PCDHGC5: variants seen among roughly 807,000 people sequenced by gnomAD.
PCDHGC5 encodes protocadherin gamma subfamily C, 5.
PCDHGC5 carries 25 observed loss-of-function variants against 59.0 expected under a neutral mutation model. That is an observed-to-expected ratio of 0.42 (90% CI 0.31 to 0.59). The LOEUF is 0.59. Among genes scored for constraint, PCDHGC5 ranks in the 20% least tolerant of loss-of-function variants. The pLI is 0.13. For missense variants in PCDHGC5, 1,067 were observed against 1,206.4 expected, an observed-to-expected ratio of 0.88 and a Z score of 1.71; for synonymous variants, 434 against 505.5, an observed-to-expected ratio of 0.86 and a Z score of 1.90.
chr5:141,489,166 C>A lies in PCDHGC5; in HGVS notation c.-75C>A. The A allele has an allele frequency of 9.1e-7, 1 of 1,099,536 alleles. No individual in the cohort carries two copies. The highest frequency in any genetic ancestry group is 1.3e-6 in the Non-Finnish European group (1 of 761,554). The allele number at this position is 1,099,536 out of a possible 1,614,324, so 68.1% of individuals were successfully genotyped here. ...AAGGAGACATAAGAGACTTCAGCTGCTGCATTCCAAGCCCTGGGTCTACCT... is the reference window on the plus strand; with the variant it reads ...AAGGAGACATAAGAGACTTCAGCTGATGCATTCCAAGCCCTGGGTCTACCT... On this transcript the variant is annotated 5_prime_UTR_variant, in exon 1 of 4. In the 5' UTR this introduces an upstream ATG that the reference lacks. Transcript: ENST00000252087. This position sits in a 1 kb window ranked among gnomAD's most constrained non-coding sequence, Gnocchi z 4.5.
chr5:141,489,896 C>T lies in PCDHGC5; in HGVS notation c.656C>T (p.Thr219Ile), dbSNP rs765318875. 3 of 1,614,180 alleles carry T rather than the reference C, an allele frequency of 1.9e-6. No homozygotes were observed. The highest frequency in any genetic ancestry group is 1.3e-5 in the African/African-American group (1 of 75,066). Residue 219 changes from threonine (T) to isoleucine (I), a missense_variant, in exon 1 of 4, where the codon ACC (threonine) becomes ATC (isoleucine). Thr to Ile is a moderately conservative substitution (Grantham distance 89, BLOSUM62 -1). Coordinates refer to ENST00000252087, the MANE Select transcript of PCDHGC5 (RefSeq NM_018929.3). The surrounding 1 kb of genome is among the most constrained non-coding windows in gnomAD (Gnocchi z 4.5). ...GTGCTTACTGCTGTGGATGGGGGGA[C>T]CCCAGCCCGCTCAGGGACCACCCTT... ...QLVLTAVDGG[T>I]PARSGTTLIS... is the part of the protein sequence containing the mutation.
intron 2 of PCDHGC5, among the ~76,000 whole-genome samples, chr5:141,498,397 G>A (rs1019408022): frequency 1.3e-5 from 2 of 152,136 alleles, no homozygotes; most frequent in African/African-American, 4.8e-5. Flanking sequence ...GAATGGCAGG[G>A]AGTTTTCTCT....
At chr5:141,495,499 C>T (rs918858395) in intron 2 of PCDHGC5, among the ~76,000 whole-genome samples, 13 of 152,162 alleles carry the variant, frequency 8.5e-5, no homozygotes, top group African/African-American at 2.9e-4. Context: ...CTTGAGTTTC[C>T]GTCTTTGCCA....
At position 141,497,540 on chromosome 5, in the gene PCDHGC5, C is replaced by CT. The variant is rs754207034; in HGVS notation, c.2519+2693dup. On this transcript the variant is annotated intron_variant, in intron 2 of 3. Transcript: ENST00000252087. Reference sequence around the variant, plus strand: ...TTAACTTGTGGAGGATGCAACAAACCTTTTTTTTTTTTTTTTTTAGACAGA... The same window carrying CT: ...TTAACTTGTGGAGGATGCAACAAACCTTTTTTTTTTTTTTTTTTTAGACAGA... Among the ~76,000 whole-genome samples, 618 of 134,908 alleles carry CT rather than the reference C, an allele frequency of 4.6e-3. 3 individuals carry two copies. The highest frequency in any genetic ancestry group is 0.012 in the African/African-American group (419 of 35,974). 88.5% of individuals were successfully genotyped at this position (134,908 alleles called of 152,430 possible). A position where few individuals can be genotyped will look rare whatever the true frequency, so the allele number is the denominator to read the frequency against.
intron 1 of PCDHGC5, among the ~76,000 whole-genome samples, chr5:141,492,394 G>C (rs2099740158): frequency 6.6e-6 from 1 of 152,220 alleles, no homozygotes; most frequent in African/African-American, 2.4e-5. Context: ...CGGTCCACTC[G>C]CAGCTCCCCT....
Position 141,491,987 on chromosome 5 carries a change from T to A in PCDHGC5, c.2460+287T>A. The A allele has an allele frequency of 1.4e-6, 1 of 736,922 alleles. No individual in the cohort carries two copies. The highest frequency in any genetic ancestry group is 2.0e-6 in the Non-Finnish European group (1 of 490,378). The allele number at this position is 736,922 out of a possible 1,614,324, so 45.6% of individuals were successfully genotyped here. On this transcript the variant is annotated intron_variant, in intron 1 of 3. Coordinates refer to ENST00000252087, the MANE Select transcript of PCDHGC5 (RefSeq NM_018929.3). The surrounding 1 kb of genome is among the most constrained non-coding windows in gnomAD (Gnocchi z 6.9). ...GCCGGGGCCTCCTTCGAGCTTCCGG[T>A]GAATTTCGGGCGATTTCCGCGGGTG...
chr5:141,493,979 C>T lies in PCDHGC5; in HGVS notation c.2461-828C>T, dbSNP rs1273325447. ...GAAGTGGCTGGCCAGAGCCCCACAC[C>T]TTCAGCTAGGTGGGAGATGGCTACA... is the stretch of plus-strand genomic sequence containing the variant. On this transcript the variant is annotated intron_variant, in intron 1 of 3. Coordinates refer to ENST00000252087, the MANE Select transcript of PCDHGC5 (RefSeq NM_018929.3). The surrounding 1 kb of genome is among the most constrained non-coding windows in gnomAD (Gnocchi z 4.3). Among the ~76,000 whole-genome samples, 1 of 152,182 alleles carries T rather than the reference C, an allele frequency of 6.6e-6. No individual in the cohort carries two copies. Among genetic ancestry groups the T allele is most frequent in the Non-Finnish European group, 1.5e-5 (1 of 68,032 alleles).
Position 141,511,165 on chromosome 5 carries a change from A to G in PCDHGC5, c.2827A>G (p.Lys943Glu). 1 of 1,614,096 alleles carries G rather than the reference A, an allele frequency of 6.2e-7. No homozygotes were observed. Among genetic ancestry groups the G allele is most frequent in the East Asian group, 2.2e-5 (1 of 44,870 alleles). ...CAAGAAGAAGTCGGGCAAGAAGGAGAAGAAGTAACATGGAGGCCAGGCCAA... is the reference window on the plus strand; with the variant it reads ...CAAGAAGAAGTCGGGCAAGAAGGAGGAGAAGTAACATGGAGGCCAGGCCAA... ...GNKKKSGKKE[K>E]K Residue 943 changes from lysine (K) to glutamate (E), a missense_variant, in exon 4 of 4, where the codon AAG (lysine) becomes GAG (glutamate). Physicochemically the swap from Lys to Glu is moderately conservative, Grantham distance 56. Transcript: ENST00000252087.
chr5:141,494,924 TGGGAGGAGATGGGGGAG>T, intron 2 of PCDHGC5, 59 bp downstream of exon 2: 1 of 1,613,498 alleles, frequency 6.2e-7, no homozygotes, highest in Admixed American at 1.7e-5. Flanking sequence ...AGGGATGACG[TGGGAGGAGATGGGGGAG>T]GGCCCAGCAT....
At chr5:141,508,896 C>A (rs1171693212) in intron 3 of PCDHGC5, among the ~76,000 whole-genome samples, 1 of 151,862 alleles carries the variant, frequency 6.6e-6, no homozygotes, top group Non-Finnish European at 1.5e-5. Context: ...GGGGAGGGGG[C>A]GGGGCGGTGG....
intron 2 of PCDHGC5, among the ~76,000 whole-genome samples, chr5:141,504,479 G>T (rs1270717855): frequency 6.6e-6 from 1 of 152,100 alleles, no homozygotes; most frequent in African/African-American, 2.4e-5. Context: ...TGGGAGTACA[G>T]TGGAGGCACC....
In PCDHGC5 at chr5:141,491,533, C is replaced by G. The variant is rs758270791; in HGVS notation, c.2293C>G (p.Arg765Gly). 4.3e-6 allele frequency: 7 copies of G among 1,614,010 alleles called. No homozygotes were observed. The highest frequency in any genetic ancestry group is 5.1e-6 in the Non-Finnish European group (6 of 1,180,028). ...GTLKYMEVTL[R>G]PTDSQSHCYR... ...GCTCAAGTACATGGAGGTGACGCTGCGGCCCACAGACTCGCAGAGCCACTG... is the reference window on the plus strand; with the variant it reads ...GCTCAAGTACATGGAGGTGACGCTGGGGCCCACAGACTCGCAGAGCCACTG... The change falls in exon 1 of 4, where the codon CGG (arginine) becomes GGG (glycine). Residue 765 changes from arginine (R) to glycine (G), a missense_variant. Transcript: ENST00000252087. The surrounding 1 kb of genome is among the most constrained non-coding windows in gnomAD (Gnocchi z 6.9).
At chr5:141,494,708 C>T (rs1481947557) in intron 1 of PCDHGC5, 99 bp from the exon 2 acceptor site, 2 of 1,599,566 alleles carry the variant, frequency 1.3e-6, no homozygotes, top group Non-Finnish European at 1.7e-6. Flanking sequence ...CTTCTCTGTG[C>T]CCACTCCCCT....
chr5:141,510,229 C>T (rs904367594), intron 3 of PCDHGC5, among the ~76,000 whole-genome samples: 3 of 150,486 alleles, frequency 2.0e-5, no homozygotes, highest in African/African-American at 7.4e-5. Context: ...GCCGGGATCG[C>T]GCCACTGCAC....
At chr5:141,497,771 C>T (rs2099779314) in intron 2 of PCDHGC5, among the ~76,000 whole-genome samples, 1 of 152,154 alleles carries the variant, frequency 6.6e-6, no homozygotes, top group Non-Finnish European at 1.5e-5. Context: ...ACTCCCCGAC[C>T]TCAACTGATC....
chr5:141,508,994 A>G (rs2099873731), intron 3 of PCDHGC5, among the ~76,000 whole-genome samples: 1 of 152,052 alleles, frequency 6.6e-6, no homozygotes, highest in South Asian at 2.1e-4. Flanking sequence ...CAGCTGGGGT[A>G]GGAGAGGAGG....
Position 141,490,293 on chromosome 5 carries a change from A to G in PCDHGC5, c.1053A>G (p.Leu351=), listed in dbSNP as rs1316965652. Residue 351 remains leucine, a synonymous_variant, in exon 1 of 4, where the codon CTA becomes CTG. Transcript: ENST00000252087. The surrounding 1 kb of genome is among the most constrained non-coding windows in gnomAD (Gnocchi z 5.4). ...TCAATGACAATGCCCCAGAGGTGCTATTGGCCTCTTTGGCCAACCCTGTCC... is the reference window on the plus strand; with the variant it reads ...TCAATGACAATGCCCCAGAGGTGCTGTTGGCCTCTTTGGCCAACCCTGTCC... The part of the protein sequence containing the change: ...GDVNDNAPEV[L]LASLANPVLE... The G allele has an allele frequency of 1.2e-6, 2 of 1,614,190 alleles. No individual in the cohort carries two copies. The highest frequency in any genetic ancestry group is 8.5e-7 in the Non-Finnish European group (1 of 1,180,028).
At position 141,489,664 on chromosome 5, in the gene PCDHGC5, A is replaced by G. The variant is rs745597010; in HGVS notation, c.424A>G (p.Ile142Val). The change falls in exon 1 of 4, where the codon ATC (isoleucine) becomes GTC (valine). Residue 142 changes from isoleucine (I) to valine (V), a missense_variant. Transcript: ENST00000252087. The surrounding 1 kb of genome is among the most constrained non-coding windows in gnomAD (Gnocchi z 4.5). ...TGCCACCCCTGAGCGAGAGATGCGCATCTCAGAATCAGCAGCATCTGGGGC... is the reference window on the plus strand; with the variant it reads ...TGCCACCCCTGAGCGAGAGATGCGCGTCTCAGAATCAGCAGCATCTGGGGC... ...SFATPEREMR[I>V]SESAASGARF... 1 of 1,614,106 alleles carries G rather than the reference A, an allele frequency of 6.2e-7. No homozygotes were observed. The highest frequency in any genetic ancestry group is 8.5e-7 in the Non-Finnish European group (1 of 1,180,050).
chr5:141,508,824 G>A (rs893436748), intron 3 of PCDHGC5, among the ~76,000 whole-genome samples: 9 of 151,952 alleles, frequency 5.9e-5, no homozygotes, highest in Admixed American at 3.3e-4. Flanking sequence ...CCAGATCTGG[G>A]CCCCCCTCCC....
Sources: allele counts gnomAD v4.1 joint callset (sites outside exome capture counted in the v4.1 genomes callset), GRCh38; gene constraint gnomAD v4.1.1; non-coding constraint Gnocchi (gnomAD v3.1); transcripts MANE v1.5; gene names NCBI Gene and HGNC (gene_info 2026-07-23, HGNC 2026-07-21).